The following CCSER1 variants were observed in gnomAD, a reference collection of about 807,000 sequenced individuals.
CCSER1 encodes serine-rich coiled-coil domain-containing protein 1.
In CCSER1, 41 loss-of-function variants were observed where a neutral mutation model predicts 82.0. That is an observed-to-expected ratio of 0.50 (90% CI 0.39 to 0.65). The LOEUF is 0.65. Among genes scored for constraint, CCSER1 ranks in the 30% least tolerant of loss-of-function variants. The probability of loss-of-function intolerance (pLI) is 0.00; values close to 1 mark genes in which losing one functional copy is unlikely to be tolerated. For synonymous variants in CCSER1, 414 were observed against 383.9 expected (o/e 1.08, Z -0.92); for missense variants, 1,119 against 1,064.2 (o/e 1.05, Z -0.72).
intron 10 of CCSER1, among the ~76,000 whole-genome samples, chr4:91,147,805 CTGTT>C (rs1233964656): frequency 6.6e-6 from 1 of 152,148 alleles, no homozygotes; most frequent in African/African-American, 2.4e-5. Flanking sequence ...AATGTACTGT[CTGTT>C]AGGAGAGAAA....
chr4:91,319,528 A>T (rs7659326), intron 10 of CCSER1: 293,378 of 390,110 alleles, frequency 0.75, 111,706 homozygotes, highest in African/African-American at 0.93. Context: ...GGATAAGAAA[A>T]TGGCTAAAAT....
chr4:91,204,370 A>T (rs1581765979), intron 10 of CCSER1, among the ~76,000 whole-genome samples: 2 of 151,824 alleles, frequency 1.3e-5, no homozygotes, highest in African/African-American at 4.8e-5. Context: ...AAATTGATTA[A>T]GCCATGAAAG....
At chr4:91,154,241 C>T (rs1730567746) in intron 10 of CCSER1, among the ~76,000 whole-genome samples, 1 of 152,056 alleles carries the variant, frequency 6.6e-6, no homozygotes, top group Non-Finnish European at 1.5e-5. Flanking sequence ...TTGCTGCCAC[C>T]TTGCAGTTTG....
intron 6 of CCSER1, chr4:90,641,882 T>C: frequency 3.7e-6 from 1 of 272,344 alleles, no homozygotes; most frequent in Admixed American, 3.4e-5. Context: ...TATTATCATA[T>C]TCAATAATTA....
chr4:91,577,257 T>C (rs1013413279), intron 10 of CCSER1, among the ~76,000 whole-genome samples: 4 of 151,972 alleles, frequency 2.6e-5, no homozygotes, highest in Non-Finnish European at 5.9e-5. Flanking sequence ...ATTGTGTCTA[T>C]GCTAAGCCAC....
At chr4:90,277,808 A>G (rs1485637185) in intron 1 of CCSER1, among the ~76,000 whole-genome samples, 1 of 152,156 alleles carries the variant, frequency 6.6e-6, no homozygotes, top group Non-Finnish European at 1.5e-5. Flanking sequence ...AGGCAATTGC[A>G]ACAACAGCAA....
intron 9 of CCSER1, among the ~76,000 whole-genome samples, chr4:90,999,915 T>G (rs1167829567): frequency 6.7e-6 from 1 of 149,830 alleles, no homozygotes; most frequent in East Asian, 1.9e-4. Flanking sequence ...TCTTATAGTT[T>G]GAGGTCTTAT....
chr4:90,138,099 C>A (rs1220288238), intron 1 of CCSER1, among the ~76,000 whole-genome samples: 1 of 152,178 alleles, frequency 6.6e-6, no homozygotes, highest in African/African-American at 2.4e-5. Context: ...CTTTCCCCAC[C>A]AGCTGGTCTA....
intron 10 of CCSER1, among the ~76,000 whole-genome samples, chr4:91,149,939 T>A (rs1470575876): frequency 6.6e-6 from 1 of 152,198 alleles, no homozygotes; most frequent in Admixed American, 6.5e-5. Context: ...TTCTTGTGGC[T>A]TAGGATTGTC....
At position 91,467,148 on chromosome 4, in the gene CCSER1, C is replaced by T. The variant is rs1165518098; in HGVS notation, c.2218-131424C>T. ...GACCAAAACAGCATGGTACTGGTAC[C>T]AAAACAGAGATATAGACCAATGGAA... On this transcript the variant is annotated intron_variant, in intron 10 of 10. Coordinates refer to ENST00000509176, the MANE Select transcript of CCSER1 (RefSeq NM_001145065.2). 3.9e-5 allele frequency among the ~76,000 whole-genome samples: 6 copies of T among 152,090 alleles called. No individual in the cohort carries two copies. In the South Asian group the frequency reaches 1.0e-3, roughly 26 times the overall value.
chr4:91,477,439 G>T (rs1043059189), intron 10 of CCSER1, among the ~76,000 whole-genome samples: 2 of 151,466 alleles, frequency 1.3e-5, no homozygotes, highest in Non-Finnish European at 3.0e-5. Context: ...TGAAATGCAG[G>T]GTTTGGATTT....
intron 5 of CCSER1, among the ~76,000 whole-genome samples, chr4:90,485,092 G>A (rs1210936759): frequency 6.6e-6 from 1 of 152,134 alleles, no homozygotes; most frequent in Non-Finnish European, 1.5e-5. Context: ...CCCTCCCCCA[G>A]CCTTGCTGCC....
At chr4:91,340,188 A>T (rs1413339998) in intron 10 of CCSER1, among the ~76,000 whole-genome samples, 5 of 152,222 alleles carry the variant, frequency 3.3e-5, no homozygotes, top group African/African-American at 1.2e-4. Flanking sequence ...ATAATAAAAT[A>T]GGATAATTAT....
chr4:90,928,536 T>G (rs898775678), intron 9 of CCSER1, among the ~76,000 whole-genome samples: 2 of 151,996 alleles, frequency 1.3e-5, no homozygotes, highest in African/African-American at 2.4e-5. Flanking sequence ...GCTAAGTAAA[T>G]AAGCAAATTA....
chr4:90,712,847 T>C (rs1740891789), intron 6 of CCSER1, among the ~76,000 whole-genome samples: 1 of 151,964 alleles, frequency 6.6e-6, no homozygotes, highest in African/African-American at 2.4e-5. Context: ...ATATTTAGGA[T>C]AGTTAGCACT....
chr4:91,594,078 C>T (rs1271775677), intron 10 of CCSER1, among the ~76,000 whole-genome samples: 3 of 151,952 alleles, frequency 2.0e-5, no homozygotes, highest in Admixed American at 6.6e-5. Context: ...AAGCTAGCTG[C>T]ATGACAACTA....
chr4:90,450,175 A>G (rs529632734), intron 4 of CCSER1, among the ~76,000 whole-genome samples: 31 of 152,326 alleles, frequency 2.0e-4, no homozygotes, highest in Non-Finnish European at 7.3e-5. Flanking sequence ...AAACGGAGCC[A>G]TTATCCAAGG....
chr4:91,002,407 T>C (rs967141568), intron 9 of CCSER1, among the ~76,000 whole-genome samples: 4 of 152,196 alleles, frequency 2.6e-5, no homozygotes, highest in Non-Finnish European at 4.4e-5. Flanking sequence ...GGTTTGGTTG[T>C]TTAACGTAGT....
intron 4 of CCSER1, among the ~76,000 whole-genome samples, chr4:90,445,041 A>C (rs1438913547): frequency 6.6e-6 from 1 of 152,048 alleles, no homozygotes; most frequent in East Asian, 1.9e-4. Flanking sequence ...CTCAATTAAA[A>C]AAAAACAGTT....
Sources: gnomAD v4.1 joint callset for allele counts (sites outside exome capture counted in the v4.1 genomes callset) on GRCh38, gnomAD v4.1.1 for gene constraint, MANE v1.5 for transcripts, NCBI Gene and HGNC (gene_info 2026-07-23, HGNC 2026-07-21) for gene names.